The following FANCC variants were observed in gnomAD, a reference collection of about 807,000 sequenced individuals.
FANCC encodes FA complementation group C.
FANCC carries 55 observed loss-of-function variants against 71.3 expected under a neutral mutation model. That is an observed-to-expected ratio of 0.77 (90% confidence interval 0.62 to 0.97). The LOEUF (loss-of-function observed/expected upper bound fraction) is 0.97. Among genes scored for constraint, FANCC ranks in the 50% least tolerant of loss-of-function variants. The pLI, the probability that FANCC is intolerant of heterozygous loss-of-function variation, is 0.00. For synonymous variants in FANCC, 275 were observed against 244.9 expected (o/e 1.12, Z -1.15); for missense variants, 678 against 670.9 (o/e 1.01, Z -0.12).
intron 4 of FANCC, among the ~76,000 whole-genome samples, chr9:95,173,761 C>CAA (rs897141374): frequency 1.3e-5 from 2 of 151,892 alleles, no homozygotes. Context: ...ATAAAAAATA[C>CAA]AAAAAAATTA....
intron 4 of FANCC, among the ~76,000 whole-genome samples, chr9:95,185,832 G>A (rs796160020): frequency 4.1e-4 from 63 of 152,224 alleles, no homozygotes; most frequent in African/African-American, 1.5e-3. Flanking sequence ...CCATTACATG[G>A]TTAGGAAGCA....
At chr9:95,303,869 G>A (rs901469030) in intron 1 of FANCC, among the ~76,000 whole-genome samples, 29 of 152,270 alleles carry the variant, frequency 1.9e-4, no homozygotes, top group African/African-American at 6.3e-4. Flanking sequence ...TAGCTTTCTT[G>A]TAATGAGTTC....
At chr9:95,233,121 G>A (rs571365071) in intron 4 of FANCC, among the ~76,000 whole-genome samples, 8 of 152,018 alleles carry the variant, frequency 5.3e-5, no homozygotes, top group African/African-American at 1.7e-4. Context: ...TTAAGAAGGC[G>A]GGAAAGGAGG....
chr9:95,183,261 GT>G (rs1826489447), intron 4 of FANCC, among the ~76,000 whole-genome samples: 1 of 152,206 alleles, frequency 6.6e-6, no homozygotes, highest in South Asian at 2.1e-4. Context: ...CCTCCCTTGT[GT>G]TTCTCTCCCT....
chr9:95,181,631 A>G (rs1588237805), intron 4 of FANCC, among the ~76,000 whole-genome samples: 3 of 152,220 alleles, frequency 2.0e-5, no homozygotes, highest in Admixed American at 1.3e-4. Flanking sequence ...TATACAAATC[A>G]GTATTTAAGA....
At chr9:95,294,792 C>T (rs1834272832) in intron 1 of FANCC, 1 of 1,557,908 alleles carries the variant, frequency 6.4e-7, no homozygotes, top group Non-Finnish European at 8.6e-7. Flanking sequence ...CGGAACCACA[C>T]ACAGTCTCCA....
At chr9:95,102,685 C>CAGGACTATTCTGGTTTTACT (rs2071153379) in intron 14 of FANCC, among the ~76,000 whole-genome samples, 1 of 152,196 alleles carries the variant, frequency 6.6e-6, no homozygotes, top group Non-Finnish European at 1.5e-5. Flanking sequence ...TTGGTTTTCC[C>CAGGACTATTCTGGTTTTACT]AGGACTATTC....
At chr9:95,214,407 G>A (rs2135895062) in intron 4 of FANCC, among the ~76,000 whole-genome samples, 1 of 152,158 alleles carries the variant, frequency 6.6e-6, no homozygotes, top group East Asian at 1.9e-4. Context: ...ACTCTAGCCT[G>A]GGAAACACAG....
intron 4 of FANCC, among the ~76,000 whole-genome samples, chr9:95,215,293 A>G (rs1039736033): frequency 5.3e-5 from 8 of 152,170 alleles, no homozygotes; most frequent in African/African-American, 1.7e-4. Context: ...GGGAGCAGAG[A>G]GCAGTTTATA....
chr9:95,209,872 T>C (rs918913280), intron 4 of FANCC, among the ~76,000 whole-genome samples: 3 of 152,146 alleles, frequency 2.0e-5, no homozygotes, highest in Non-Finnish European at 4.4e-5. Context: ...CTGCTAAAGA[T>C]TGTAACCTGA....
At chr9:95,220,387 T>C (rs10739993) in intron 4 of FANCC, among the ~76,000 whole-genome samples, 69,647 of 152,080 alleles carry the variant, frequency 0.46, 16,159 homozygotes, top group East Asian at 0.58. Context: ...CAAAGGATTA[T>C]AAATCATGCT....
chr9:95,206,145 C>T (rs1190898219), intron 4 of FANCC, among the ~76,000 whole-genome samples: 1 of 152,084 alleles, frequency 6.6e-6, no homozygotes, highest in Non-Finnish European at 1.5e-5. Flanking sequence ...AGCAAACATT[C>T]TAAACAACGA....
At chr9:95,208,840 T>C (rs896281220) in intron 4 of FANCC, among the ~76,000 whole-genome samples, 4 of 152,336 alleles carry the variant, frequency 2.6e-5, no homozygotes, top group East Asian at 1.9e-4. Context: ...CAGTTTCTTA[T>C]AAAACTAAGC....
chr9:95,104,150 G>T (rs2071263449), intron 14 of FANCC, among the ~76,000 whole-genome samples: 1 of 152,238 alleles, frequency 6.6e-6, no homozygotes, highest in Non-Finnish European at 1.5e-5. Context: ...GGCCAGGAGA[G>T]GCAGGGGTGG....
At chr9:95,129,785 C>G (rs1045572500) in intron 8 of FANCC, among the ~76,000 whole-genome samples, 4 of 152,168 alleles carry the variant, frequency 2.6e-5, no homozygotes, top group Admixed American at 1.3e-4. Flanking sequence ...TATCTCCCCC[C>G]TCAGGCTTTT....
Position 95,201,210 on chromosome 9 carries a change from A to T in FANCC, c.346-29063T>A, listed in dbSNP as rs558196714. On this transcript the variant is annotated intron_variant, in intron 4 of 14. Transcript: ENST00000289081. ...GTACACGTTAATGCCAATAAAAAAA[A>T]TTTTTTTTTTTGCACAAATCAAGAG... 1.0e-3 allele frequency among the ~76,000 whole-genome samples: 154 copies of T among 149,036 alleles called. No individual in the cohort carries two copies. In the Middle Eastern group the frequency reaches 0.017, roughly 17 times the overall value.
intron 1 of FANCC, among the ~76,000 whole-genome samples, chr9:95,302,868 G>A (rs1403638048): frequency 1.3e-5 from 2 of 152,220 alleles, no homozygotes; most frequent in Admixed American, 6.5e-5. Flanking sequence ...CACTGCAGAC[G>A]CAGTTATAGA....
At chr9:95,128,990 A>G (rs1277831546) in intron 8 of FANCC, among the ~76,000 whole-genome samples, 8 of 151,620 alleles carry the variant, frequency 5.3e-5, no homozygotes, top group Admixed American at 1.3e-4. Flanking sequence ...GCAACCTCCA[A>G]CTCCTGGGTT....
chr9:95,244,748 G>C (rs1456240589), intron 3 of FANCC, among the ~76,000 whole-genome samples: 1 of 132,494 alleles, frequency 7.5e-6, no homozygotes, highest in Non-Finnish European at 1.6e-5. Context: ...GAATTAATAT[G>C]TATGTGCAAG....
Sources: gnomAD v4.1 joint callset for allele counts (sites outside exome capture counted in the v4.1 genomes callset) on GRCh38, gnomAD v4.1.1 for gene constraint, MANE v1.5 for transcripts, NCBI Gene and HGNC (gene_info 2026-07-23, HGNC 2026-07-21) for gene names.